FARP1: variants seen among roughly 807,000 people sequenced by gnomAD.
The protein encoded by FARP1 is FERM, ARHGEF and pleckstrin domain-containing protein 1.
A neutral mutation model predicts 128.8 loss-of-function variants in FARP1; 52 were observed. The observed-to-expected ratio is 0.40, with a 90% CI of 0.32 to 0.51. The LOEUF (loss-of-function observed/expected upper bound fraction) is 0.51, where lower values mean the gene tolerates loss of function less well. FARP1 is among the 20% of genes least tolerant of loss of function. The pLI, the probability that FARP1 is intolerant of heterozygous loss-of-function variation, is 0.45. For synonymous variants in FARP1, 580 were observed against 551.8 expected, an observed-to-expected ratio of 1.05 and a Z score of -0.72; for missense variants, 1,333 against 1,367.9, an observed-to-expected ratio of 0.97 and a Z score of 0.40.
At chr13:98,367,543 C>T (rs1171727100) in intron 4 of FARP1, among the ~76,000 whole-genome samples, 1 of 151,660 alleles carries the variant, frequency 6.6e-6, no homozygotes, top group Non-Finnish European at 1.5e-5. Flanking sequence ...TCTCTCCCTC[C>T]CCTCACTCCC....
chr13:98,191,786 T>C (rs1879245806), intron 1 of FARP1, among the ~76,000 whole-genome samples: 1 of 152,060 alleles, frequency 6.6e-6, no homozygotes, highest in Non-Finnish European at 1.5e-5. Context: ...CTACTAAAAA[T>C]ACAAAAGTTA....
intron 2 of FARP1, among the ~76,000 whole-genome samples, chr13:98,271,368 A>G (rs1253127597): frequency 1.3e-5 from 2 of 152,104 alleles, no homozygotes; most frequent in Non-Finnish European, 2.9e-5. Flanking sequence ...CTCCTCTTAC[A>G]TTGACAGTAC....
At chr13:98,361,236 C>A (rs1888860382) in intron 3 of FARP1, among the ~76,000 whole-genome samples, 1 of 152,204 alleles carries the variant, frequency 6.6e-6, no homozygotes, top group Non-Finnish European at 1.5e-5. Context: ...GCATCCTCAC[C>A]CAGCCTGGTT....
chr13:98,311,570 CGTGTGT>C (rs546783985), intron 2 of FARP1, among the ~76,000 whole-genome samples: 9 of 126,204 alleles, frequency 7.1e-5, no homozygotes, highest in African/African-American at 1.8e-4. Flanking sequence ...TGTGCATGTG[CGTGTGT>C]GTGTGTGCAC....
At chr13:98,439,613 TCC>T (rs971611294) in intron 21 of FARP1, among the ~76,000 whole-genome samples, 2 of 152,046 alleles carry the variant, frequency 1.3e-5, no homozygotes, top group African/African-American at 4.8e-5. Flanking sequence ...CACCTCGTCC[TCC>T]CCCGAGTTGG....
chr13:98,145,861 CAAAA>C (rs140525790), intron 1 of FARP1, among the ~76,000 whole-genome samples: 1 of 131,218 alleles, frequency 7.6e-6, no homozygotes. Context: ...GACTCTGTCT[CAAAA>C]AAAAAAAAAA....
intron 5 of FARP1, among the ~76,000 whole-genome samples, chr13:98,370,330 C>T (rs902440034): frequency 6.6e-6 from 1 of 151,330 alleles, no homozygotes; most frequent in Non-Finnish European, 1.5e-5. Flanking sequence ...AGGCTTGACA[C>T]ACATAGTGTT....
intron 2 of FARP1, among the ~76,000 whole-genome samples, chr13:98,287,208 CTTTTTTTTTTTTTTTTTTTTTTTTTTT>C (rs71111939): frequency 2.6e-5 from 2 of 75,812 alleles, no homozygotes; most frequent in Non-Finnish European, 4.8e-5. Context: ...TCAGACATGT[CTTTTTTTTTTTTTTTTTTTTTTTTTTT>C]TTTTTTTTTT....
At chr13:98,294,520 G>C (rs1306154607) in intron 2 of FARP1, among the ~76,000 whole-genome samples, 1 of 152,170 alleles carries the variant, frequency 6.6e-6, no homozygotes, top group Non-Finnish European at 1.5e-5. Flanking sequence ...TGTGAGGTGA[G>C]GACAGTGCTT....
intron 1 of FARP1, among the ~76,000 whole-genome samples, chr13:98,181,344 CT>C (rs1461493426): frequency 2.0e-5 from 3 of 152,104 alleles, no homozygotes; most frequent in Non-Finnish European, 4.4e-5. Context: ...GTTTTATCCC[CT>C]GCAAAGTGGG....
chr13:98,380,439 G>T (rs1036600307), intron 6 of FARP1, among the ~76,000 whole-genome samples: 1 of 147,820 alleles, frequency 6.8e-6, no homozygotes, highest in African/African-American at 2.5e-5. Context: ...AAAAAAAAAA[G>T]AAGAAGAGTG....
chr13:98,255,560 G>T (rs570647739), intron 2 of FARP1, among the ~76,000 whole-genome samples: 2 of 152,038 alleles, frequency 1.3e-5, no homozygotes, highest in Non-Finnish European at 2.9e-5. Flanking sequence ...GTGTTTTGCC[G>T]ATACCTTAAA....
In FARP1 at chr13:98,439,194, A is replaced by G. The variant is rs755395264; in HGVS notation, c.2431A>G (p.Thr811Ala). ...VHGQLPLYGM[T>A]IEESEDEWGV... Reference sequence around the variant, plus strand: ...CGGGCAGCTCCCGCTCTATGGCATGACGGTGAGTACAGCACAGGCTCGTGG... The same window carrying G: ...CGGGCAGCTCCCGCTCTATGGCATGGCGGTGAGTACAGCACAGGCTCGTGG... Residue 811 changes from threonine (T) to alanine (A), a missense_variant and splice_region_variant, in exon 21 of 27, where the codon ACG (threonine) becomes GCG (alanine). This residue lies in a region of FARP1 where 1,009 missense variants were observed against 969.8 expected (regional missense o/e 1.04). Coordinates refer to ENST00000319562, the MANE Select transcript of FARP1 (RefSeq NM_005766.4). 6 of 1,610,590 alleles carry G rather than the reference A, an allele frequency of 3.7e-6. No individual in the cohort carries two copies. The African/African-American group carries it at 6.7e-5, about 18-fold the overall frequency.
chr13:98,447,486 A>C (rs1892922009), intron 26 of FARP1: 1 of 152,388 alleles, frequency 6.6e-6, no homozygotes, highest in African/African-American at 2.4e-5. Context: ...TGCAGTCCAG[A>C]TCCTGAAAGG....
chr13:98,215,170 G>A (rs1190865354), intron 2 of FARP1, among the ~76,000 whole-genome samples: 2 of 152,154 alleles, frequency 1.3e-5, no homozygotes, highest in African/African-American at 2.4e-5. Flanking sequence ...GGAACTCCCT[G>A]CCCAAGAAGT....
chr13:98,409,039 A>G (rs185579219), intron 13 of FARP1, among the ~76,000 whole-genome samples: 1 of 152,306 alleles, frequency 6.6e-6, no homozygotes, highest in East Asian at 1.9e-4. Flanking sequence ...TAGTTGGGAG[A>G]TGAAATTCCT....
chr13:98,249,890 T>C (rs1883241986), intron 2 of FARP1, among the ~76,000 whole-genome samples: 1 of 152,232 alleles, frequency 6.6e-6, no homozygotes, highest in South Asian at 2.1e-4. Flanking sequence ...CAGTTACATA[T>C]GCGATGTTTG....
intron 14 of FARP1, 22 bp downstream of exon 14, chr13:98,409,547 C>T (rs780451269): frequency 4.5e-6 from 7 of 1,572,888 alleles, no homozygotes; most frequent in Middle Eastern, 1.7e-4. Flanking sequence ...AGGGCTCAAG[C>T]GCGTGTGTGG....
intron 2 of FARP1, among the ~76,000 whole-genome samples, chr13:98,342,268 T>G (rs1444184262): frequency 6.6e-6 from 1 of 152,234 alleles, no homozygotes; most frequent in Non-Finnish European, 1.5e-5. Context: ...GAAAACTTAA[T>G]GTCCACATAA....
Sources: allele counts gnomAD v4.1 joint callset (sites outside exome capture counted in the v4.1 genomes callset), GRCh38; gene constraint gnomAD v4.1.1; regional missense constraint gnomAD v4.1.1; transcripts MANE v1.5; gene names NCBI Gene and HGNC (gene_info 2026-07-23, HGNC 2026-07-21).